Variants in EYA1 observed in about 807,000 individuals in gnomAD.
The protein encoded by EYA1 is protein phosphatase EYA1.
A neutral mutation model predicts 82.0 loss-of-function variants in EYA1; 16 were observed. The ratio of observed to expected loss-of-function variants is 0.20; its 90% CI spans 0.13 to 0.30. The LOEUF (loss-of-function observed/expected upper bound fraction) is 0.30, where lower values mean the gene tolerates loss of function less well. Ranked by LOEUF, EYA1 falls within the 10% of genes least tolerant of loss-of-function variation. EYA1 has a pLI of 1.00. For synonymous variants in EYA1, 261 were observed against 264.4 expected (o/e 0.99, Z 0.12); for missense variants, 633 against 730.7 (o/e 0.87, Z 1.54).
intron 2 of EYA1, among the ~76,000 whole-genome samples, chr8:71,410,114 C>G (rs1476351194): frequency 1.3e-5 from 2 of 151,588 alleles, no homozygotes; most frequent in African/African-American, 2.4e-5. Context: ...ATAAACAGAG[C>G]CAAAGACAAA....
intron 2 of EYA1, among the ~76,000 whole-genome samples, chr8:71,393,259 A>G (rs1336632852): frequency 6.6e-6 from 1 of 152,006 alleles, no homozygotes. Context: ...TTCTATCTGT[A>G]TTATTTCTTA....
At chr8:71,317,440 C>T in intron 7 of EYA1, 112 bp downstream of exon 7, 1 of 1,164,626 alleles carries the variant, frequency 8.6e-7, no homozygotes, top group Non-Finnish European at 1.3e-6. Flanking sequence ...TGCCTCTAAG[C>T]CCAATCCAGT....
At chr8:71,432,943 C>G (rs1051302071) in intron 2 of EYA1, among the ~76,000 whole-genome samples, 1 of 152,098 alleles carries the variant, frequency 6.6e-6, no homozygotes, top group African/African-American at 2.4e-5. Context: ...TTATATTATT[C>G]TTTACTCTGG....
At chr8:71,305,668 A>T (rs114847962) in intron 7 of EYA1, among the ~76,000 whole-genome samples, 28,571 of 150,394 alleles carry the variant, frequency 0.19, 3,273 homozygotes, top group Non-Finnish European at 0.25. Flanking sequence ...TAAATAAATA[A>T]ATAAATAATT....
intron 2 of EYA1, among the ~76,000 whole-genome samples, chr8:71,510,446 G>C (rs1253580974): frequency 6.6e-6 from 1 of 152,192 alleles, no homozygotes; most frequent in Non-Finnish European, 1.5e-5. Flanking sequence ...AATTTATAAA[G>C]AAAAGAGGCT....
chr8:71,201,244 A>T (rs1186441281), intron 17 of EYA1, among the ~76,000 whole-genome samples: 1 of 151,794 alleles, frequency 6.6e-6, no homozygotes, highest in African/African-American at 2.4e-5. Context: ...AAAAGAAAAA[A>T]AAAAACAACC....
chr8:71,505,855 T>G (rs1270612703), intron 2 of EYA1, among the ~76,000 whole-genome samples: 1 of 152,178 alleles, frequency 6.6e-6, no homozygotes, highest in Non-Finnish European at 1.5e-5. Flanking sequence ...AATCCCCATG[T>G]GTCAAGGGTG....
chr8:71,421,295 A>G (rs957552290), intron 2 of EYA1, among the ~76,000 whole-genome samples: 2 of 152,198 alleles, frequency 1.3e-5, no homozygotes, highest in African/African-American at 2.4e-5. Flanking sequence ...ATGGGAACTC[A>G]GCACAGACTT....
intron 9 of EYA1, among the ~76,000 whole-genome samples, chr8:71,276,432 C>T (rs1314937869): frequency 6.6e-6 from 1 of 152,170 alleles, no homozygotes; most frequent in Non-Finnish European, 1.5e-5. Flanking sequence ...TTCTAGACCT[C>T]TCTACCCAAG....
chr8:71,327,011 C>A (rs1305879114), intron 4 of EYA1, among the ~76,000 whole-genome samples: 1 of 152,196 alleles, frequency 6.6e-6, no homozygotes, highest in Non-Finnish European at 1.5e-5. Flanking sequence ...TGCTCAGATG[C>A]CCTGTCCTCT....
At chr8:71,420,282 T>C in intron 2 of EYA1, among the ~76,000 whole-genome samples, 1 of 152,166 alleles carries the variant, frequency 6.6e-6, no homozygotes, top group Non-Finnish European at 1.5e-5. Context: ...CATGGGTGCA[T>C]GCATTATTTA....
chr8:71,345,728 A>G (rs962614377), intron 3 of EYA1, among the ~76,000 whole-genome samples: 2 of 152,192 alleles, frequency 1.3e-5, no homozygotes, highest in Admixed American at 1.3e-4. Context: ...GCATGATTTC[A>G]GATAAAATGC....
chr8:71,436,708 C>T (rs769784525), intron 2 of EYA1, among the ~76,000 whole-genome samples: 8 of 152,116 alleles, frequency 5.3e-5, no homozygotes, highest in African/African-American at 1.9e-4. Flanking sequence ...TTAGTCAGAA[C>T]TGCTAATGAC....
intron 11 of EYA1, among the ~76,000 whole-genome samples, chr8:71,249,134 A>G (rs931164592): frequency 1.3e-5 from 2 of 152,124 alleles, no homozygotes; most frequent in Non-Finnish European, 2.9e-5. Context: ...ATTCTTTTCA[A>G]AACGTGGCCT....
intron 2 of EYA1, among the ~76,000 whole-genome samples, chr8:71,472,287 A>C (rs777113210): frequency 2.0e-5 from 3 of 152,108 alleles, no homozygotes; most frequent in Non-Finnish European, 4.4e-5. Flanking sequence ...GTTAAAGGAA[A>C]AGCACATGAC....
At chr8:71,401,770 C>T (rs909413928) in intron 2 of EYA1, among the ~76,000 whole-genome samples, 3 of 152,172 alleles carry the variant, frequency 2.0e-5, no homozygotes, top group East Asian at 3.9e-4. Context: ...AGAAAGCTTT[C>T]GATAAATCCT....
intron 7 of EYA1, among the ~76,000 whole-genome samples, chr8:71,302,272 A>G (rs1820279800): frequency 6.6e-6 from 1 of 152,198 alleles, no homozygotes; most frequent in Non-Finnish European, 1.5e-5. Context: ...AAAATGAATA[A>G]GATATAGAAA....
At position 71,263,196 on chromosome 8, in the gene EYA1, T is replaced by C. The variant is rs918978624; in HGVS notation, c.1050+6544A>G. ...GAAGGCTGAATCGCCCAGCCTCCCC[T>C]GCACTGGGTCATTTGACTGAGGTCA... On this transcript the variant is annotated intron_variant, in intron 11 of 17. Transcript: ENST00000340726. 3.3e-5 allele frequency among the ~76,000 whole-genome samples: 5 copies of C among 152,216 alleles called. No homozygotes were observed. In the South Asian group the frequency reaches 8.3e-4, roughly 25 times the overall value.
chr8:71,366,833 G>T (rs1432136278), upstream of EYA1, among the ~76,000 whole-genome samples: 1 of 152,046 alleles, frequency 6.6e-6, no homozygotes, highest in Admixed American at 6.6e-5. Context: ...GGACATTAAT[G>T]TCTCCTCATT....
Sources: allele counts gnomAD v4.1 joint callset (sites outside exome capture counted in the v4.1 genomes callset), GRCh38; gene constraint gnomAD v4.1.1; transcripts MANE v1.5; gene names NCBI Gene and HGNC (gene_info 2026-07-23, HGNC 2026-07-21).